The following CAPN11 variants were observed in gnomAD, a reference collection of about 807,000 sequenced individuals.
The protein encoded by CAPN11 is calpain-11.
CAPN11 carries 108 observed loss-of-function variants against 105.3 expected under a neutral mutation model. The observed-to-expected ratio is 1.03, with a 90% CI of 0.88 to 1.20. CAPN11 has a LOEUF of 1.20. CAPN11 is among the 50% of genes most tolerant of loss of function. The probability of loss-of-function intolerance (pLI) is 0.00; values close to 1 mark genes in which losing one functional copy is unlikely to be tolerated. For synonymous variants in CAPN11, 329 were observed against 344.5 expected, an observed-to-expected ratio of 0.96 and a Z score of 0.50; for missense variants, 883 against 924.8, an observed-to-expected ratio of 0.95 and a Z score of 0.59.
Position 44,183,701 on chromosome 6 carries a change from G to T in CAPN11, c.2135-4G>T. ...CCCTCTCCCCCGCTTCCTCTGTAAC[G>T]CAGCATTCTTTCTAACCATGGACCC... On this transcript the variant is annotated splice_polypyrimidine_tract_variant and splice_region_variant and intron_variant, in intron 21 of 22. Coordinates refer to ENST00000398776, the MANE Select transcript of CAPN11 (RefSeq NM_007058.4). The T allele has an allele frequency of 6.2e-7, 1 of 1,613,586 alleles. No individual in the cohort carries two copies. Among genetic ancestry groups the T allele is most frequent in the South Asian group, 1.1e-5 (1 of 91,016 alleles).
rs1773045509 is a variant in CAPN11 at position 44,181,017 on chromosome 6, T to G, written c.1869+20T>G. ...ATGGATGTATCCTCCTGTCCAGTGC[T>G]CTCTTGGCCCTGTCCCCTGCCCACA... On this transcript the variant is annotated intron_variant, in intron 18 of 22. Transcript: ENST00000398776. 6.2e-7 allele frequency: 1 copy of G among 1,606,722 alleles called. No homozygotes were observed. Among genetic ancestry groups the G allele is most frequent in the Admixed American group, 1.7e-5 (1 of 59,968 alleles).
chr6:44,181,546 C>CACAT (rs1554132253), intron 19 of CAPN11, among the ~76,000 whole-genome samples: 7 of 68,614 alleles, frequency 1.0e-4, no homozygotes, highest in Admixed American at 7.1e-4. Context: ...CTCACACACA[C>CACAT]ACACACTCAC....
chr6:44,176,099 C>G lies in CAPN11; in HGVS notation c.863C>G (p.Thr288Ser). The change falls in exon 8 of 23, where the codon ACT (threonine) becomes AGT (serine). Residue 288 changes from threonine (T) to serine (S), a missense_variant. Thr to Ser is a moderately conservative substitution (Grantham distance 58, BLOSUM62 1). Transcript: ENST00000398776. ...VTSDSELESM[T>S]DKMLVRGHAY... ...AGTGATAGTGAACTGGAATCCATGA[C>G]TGACAAGATGCTGGTGAGAGGGCAC... The G allele has an allele frequency of 6.2e-7, 1 of 1,612,916 alleles. No individual in the cohort carries two copies. The highest frequency in any genetic ancestry group is 8.5e-7 in the Non-Finnish European group (1 of 1,179,352).
Position 44,176,835 on chromosome 6 carries a change from C to T in CAPN11, c.1077-3C>T, listed in dbSNP as rs1772129431. 6.2e-7 allele frequency: 1 copy of T among 1,613,632 alleles called. No individual in the cohort carries two copies. Among genetic ancestry groups the T allele is most frequent in the Non-Finnish European group, 8.5e-7 (1 of 1,179,770 alleles). ...GACGGGCTCCACCCCCACCCCACCA[C>T]AGGATGTCCTACCAAGATTTCCTGA... On this transcript the variant is annotated splice_polypyrimidine_tract_variant and splice_region_variant and intron_variant, in intron 10 of 22. Transcript: ENST00000398776.
Position 44,173,382 on chromosome 6 carries a change from T to C in CAPN11, c.827T>C (p.Ile276Thr), listed in dbSNP as rs370572396. 1.1e-4 allele frequency: 179 copies of C among 1,604,766 alleles called. No individual in the cohort carries two copies. Among genetic ancestry groups the C allele is most frequent in the African/African-American group, 1.7e-4 (13 of 74,884 alleles). ...CGATCCTCCCTCATGGGTTGCTCCA[T>C]TGAAGTAAGCAAAGCATGGTCCCAC... ...VERSSLMGCS[I>T]EVTSDSELES... The change falls in exon 7 of 23, where the codon ATT (isoleucine) becomes ACT (threonine). Residue 276 changes from isoleucine to threonine, a missense_variant. Ile to Thr is a moderately conservative substitution (Grantham distance 89, BLOSUM62 -1). Transcript: ENST00000398776.
At position 44,169,248 on chromosome 6, in the gene CAPN11, C is replaced by T. The variant is rs780218769; in HGVS notation, c.89-33C>T. ...TGTGCCCAGCTTATTACATTTTTTA[C>T]TTGCGTTATTTCTCTTTTTTTTTCT... On this transcript the variant is annotated intron_variant, in intron 2 of 22. Coordinates refer to ENST00000398776, the MANE Select transcript of CAPN11 (RefSeq NM_007058.4). The T allele has an allele frequency of 2.5e-5, 40 of 1,576,394 alleles. 1 individual carries two copies. In the South Asian group the frequency reaches 4.5e-4, roughly 18 times the overall value.
chr6:44,166,828 G>C lies in CAPN11; in HGVS notation c.87G>C (p.Ala29=), dbSNP rs998076587. Residue 29 remains alanine, a splice_region_variant and synonymous_variant, in exon 2 of 23, where the codon GCG becomes GCC. Coordinates refer to ENST00000398776, the MANE Select transcript of CAPN11 (RefSeq NM_007058.4). ...SQEDKPRGSC[A]EPTFTDTGMV... Reference sequence around the variant, plus strand: ...AGGATAAGCCTCGGGGCTCATGTGCGGGTAGGACTGCAGACCCGTCGTGGC... The same window carrying C: ...AGGATAAGCCTCGGGGCTCATGTGCCGGTAGGACTGCAGACCCGTCGTGGC... 16 of 1,549,742 alleles carry C rather than the reference G, an allele frequency of 1.0e-5. 1 individual carries two copies. The African/African-American group carries it at 1.9e-4, about 19-fold the overall frequency.
At chr6:44,181,449 TCACACACA>T (rs150427721) in intron 19 of CAPN11, 129 bp downstream of exon 19, 10,536 of 293,434 alleles carry the variant, frequency 0.036, 2,833 homozygotes, top group African/African-American at 0.23. Flanking sequence ...CACACCACAC[TCACACACA>T]CACACACACA....
At chr6:44,177,102 A>G in intron 11 of CAPN11, 104 bp downstream of exon 11, 1 of 1,496,092 alleles carries the variant, frequency 6.7e-7, no homozygotes, top group Non-Finnish European at 9.1e-7. Context: ...GTCAGGGTCC[A>G]TGAGGTCAAG....
chr6:44,178,187 G>C (rs1561850508), intron 12 of CAPN11, among the ~76,000 whole-genome samples: 1 of 152,042 alleles, frequency 6.6e-6, no homozygotes, highest in South Asian at 2.1e-4. Context: ...AACTACTAAT[G>C]CCTTTAAGGA....
chr6:44,176,720 C>A, intron 10 of CAPN11, 65 bp downstream of exon 10: 1 of 1,562,708 alleles, frequency 6.4e-7, no homozygotes, highest in Non-Finnish European at 8.7e-7. Flanking sequence ...TCTCCCTGCT[C>A]CGCTCCTCTC....
chr6:44,177,241 G>T lies in CAPN11; in HGVS notation c.1238-1G>T. ...ACCACGCTGACCCACTTCCGCCACA[G>T]GCACGTTCTGGACCAACCCCCAGTT... is the stretch of plus-strand genomic sequence containing the variant. On this transcript the variant is annotated splice_acceptor_variant, in intron 11 of 22. Coordinates refer to ENST00000398776, the MANE Select transcript of CAPN11 (RefSeq NM_007058.4). LOFTEE classifies it high-confidence loss of function. The T allele has an allele frequency of 6.3e-7, 1 of 1,577,536 alleles. No homozygotes were observed. Among genetic ancestry groups the T allele is most frequent in the Non-Finnish European group, 8.6e-7 (1 of 1,161,376 alleles).
intron 4 of CAPN11, among the ~76,000 whole-genome samples, chr6:44,170,929 TTC>T (rs1363966149): frequency 2.0e-5 from 3 of 152,112 alleles, no homozygotes; most frequent in Non-Finnish European, 4.4e-5. Context: ...AGGGTGGGCT[TTC>T]TCTGAGACTG....
At chr6:44,168,230 G>C (rs941743351) in intron 2 of CAPN11, among the ~76,000 whole-genome samples, 12 of 152,098 alleles carry the variant, frequency 7.9e-5, no homozygotes, top group African/African-American at 2.7e-4. Flanking sequence ...TCTCTCTATA[G>C]ACATTTTATA....
rs1465098958 is a variant in CAPN11, at chr6:44,183,282, G to C, written c.2134+47G>C. 2.3e-6 allele frequency: 3 copies of C among 1,279,750 alleles called. No individual in the cohort carries two copies. In the South Asian group the frequency reaches 3.6e-5, roughly 15 times the overall value. 79.3% of individuals were successfully genotyped at this position (1,279,750 alleles called of 1,614,324 possible). A position where few individuals can be genotyped will look rare whatever the true frequency, so the allele number is the denominator to read the frequency against. On this transcript the variant is annotated intron_variant, in intron 21 of 22. Transcript: ENST00000398776. ...TCCCCAGCCTAGGCCAGGGGCCGCG[G>C]GCCCTTTCCCAAACACCCACCCTGA... is the stretch of plus-strand genomic sequence containing the variant.
chr6:44,182,355 G>T (rs1026525221), intron 19 of CAPN11, among the ~76,000 whole-genome samples: 1 of 149,236 alleles, frequency 6.7e-6, no homozygotes, highest in Admixed American at 6.7e-5. Context: ...CATGAAAAGG[G>T]TCTGTTGGAG....
At chr6:44,176,190 A>G (rs1277844682) in intron 8 of CAPN11, 39 bp downstream of exon 8, 2 of 1,365,524 alleles carry the variant, frequency 1.5e-6, no homozygotes, top group Admixed American at 3.7e-5. Flanking sequence ...GAGGACCCTG[A>G]GAAGGAGGAG....
intron 18 of CAPN11, 120 bp downstream of exon 18, chr6:44,181,117 G>A (rs1773064439): frequency 2.5e-6 from 3 of 1,208,800 alleles, no homozygotes; most frequent in Non-Finnish European, 3.7e-6. Context: ...TGGGGTAGCA[G>A]AAGATGCCAG....
intron 1 of CAPN11, among the ~76,000 whole-genome samples, chr6:44,164,714 C>G (rs1268702698): frequency 6.6e-6 from 1 of 151,954 alleles, no homozygotes; most frequent in Non-Finnish European, 1.5e-5. Context: ...GGCAGAGGCA[C>G]AAGGATGGGA....
Sources: gnomAD v4.1 joint callset for allele counts (sites outside exome capture counted in the v4.1 genomes callset) on GRCh38, gnomAD v4.1.1 for gene constraint, MANE v1.5 for transcripts, NCBI Gene and HGNC (gene_info 2026-07-23, HGNC 2026-07-21) for gene names.